LPP: variants seen among roughly 807,000 people sequenced by gnomAD.
The protein encoded by LPP is lipoma-preferred partner.
A neutral mutation model predicts 60.4 loss-of-function variants in LPP; 38 were observed. That is an observed-to-expected ratio of 0.63 (90% CI 0.49 to 0.83). The LOEUF (loss-of-function observed/expected upper bound fraction) is 0.83, where lower values mean the gene tolerates loss of function less well. Among genes scored for constraint, LPP ranks in the 40% least tolerant of loss-of-function variants. The probability of loss-of-function intolerance (pLI) is 0.00; values close to 1 mark genes in which losing one functional copy is unlikely to be tolerated. For missense variants in LPP, 902 were observed against 783.6 expected (o/e 1.15, Z -1.80); for synonymous variants, 328 against 290.8 (o/e 1.13, Z -1.30).
intron 2 of LPP, among the ~76,000 whole-genome samples, chr3:188,243,188 AT>A (rs551212008): frequency 2.0e-5 from 3 of 152,154 alleles, no homozygotes; most frequent in Non-Finnish European, 4.4e-5. Context: ...AAAAACTCCT[AT>A]TTTTACAACA....
intron 9 of LPP, among the ~76,000 whole-genome samples, chr3:188,818,736 G>A (rs983006916): frequency 6.6e-6 from 1 of 152,038 alleles, no homozygotes; most frequent in African/African-American, 2.4e-5. Flanking sequence ...ACCTCTCCGA[G>A]GCTCAGTTTC....
intron 2 of LPP, among the ~76,000 whole-genome samples, chr3:188,226,758 T>C (rs528280886): frequency 6.6e-6 from 1 of 152,318 alleles, no homozygotes; most frequent in East Asian, 1.9e-4. Context: ...ACAGAGATGA[T>C]GCCATTGTGA....
At chr3:188,450,712 T>C (rs1796379214) in intron 4 of LPP, among the ~76,000 whole-genome samples, 1 of 150,262 alleles carries the variant, frequency 6.7e-6, no homozygotes, top group Non-Finnish European at 1.5e-5. Flanking sequence ...GCCACTGCAC[T>C]CCAGCTTGGG....
At chr3:188,691,381 A>G (rs1196827575) in intron 7 of LPP, among the ~76,000 whole-genome samples, 1 of 152,200 alleles carries the variant, frequency 6.6e-6, no homozygotes, top group African/African-American at 2.4e-5. Flanking sequence ...TTAGCACTGA[A>G]TGAGGGCAAT....
rs187645028 is a variant in LPP at position 188,874,310 on chromosome 3, G to A, written c.1711-41G>A. ...GATGTTCTCCACATGTGTACTTAAC[G>A]TTTTTACTTATGTCGTTTCCATCTG... On this transcript the variant is annotated intron_variant, in intron 11 of 11. Coordinates refer to ENST00000617246, the MANE Select transcript of LPP (RefSeq NM_001375462.1). The A allele has an allele frequency of 1.0e-4, 159 of 1,587,248 alleles. 2 individuals carry two copies. The highest frequency in any genetic ancestry group is 9.0e-4 in the Admixed American group (52 of 57,934).
chr3:188,274,545 T>G (rs189260075), intron 2 of LPP, among the ~76,000 whole-genome samples: 3 of 152,218 alleles, frequency 2.0e-5, no homozygotes, highest in Non-Finnish European at 2.9e-5. Flanking sequence ...TCCACCCCAT[T>G]GGGAGGAGGG....
intron 6 of LPP, among the ~76,000 whole-genome samples, chr3:188,586,171 G>A (rs1837393615): frequency 6.6e-6 from 1 of 152,136 alleles, no homozygotes; most frequent in Non-Finnish European, 1.5e-5. Flanking sequence ...TTTTGTTGTT[G>A]AGATTGCCTG....
chr3:188,622,943 G>A (rs572441197), intron 7 of LPP, among the ~76,000 whole-genome samples: 19 of 150,602 alleles, frequency 1.3e-4, no homozygotes, highest in African/African-American at 3.9e-4. Flanking sequence ...CAGGGGAATC[G>A]CTCGAACCTG....
At chr3:188,463,660 T>G (rs896142819) in intron 4 of LPP, among the ~76,000 whole-genome samples, 2 of 152,202 alleles carry the variant, frequency 1.3e-5, no homozygotes, top group African/African-American at 4.8e-5. Flanking sequence ...TTTCTTAAAT[T>G]TTCTTCTCTG....
intron 7 of LPP, among the ~76,000 whole-genome samples, chr3:188,618,390 TCTC>T (rs2151514090): frequency 6.6e-6 from 1 of 152,222 alleles, no homozygotes; most frequent in African/African-American, 2.4e-5. Flanking sequence ...TACGAAACAC[TCTC>T]ATATAAGAAA....
intron 2 of LPP, among the ~76,000 whole-genome samples, chr3:188,243,329 A>G (rs1056865580): frequency 3.3e-5 from 5 of 152,270 alleles, no homozygotes; most frequent in South Asian, 2.1e-4. Flanking sequence ...CCCATGACTC[A>G]TAAAGGAAAT....
At chr3:188,707,530 A>G (rs1335965407) in intron 7 of LPP, among the ~76,000 whole-genome samples, 2 of 152,200 alleles carry the variant, frequency 1.3e-5, no homozygotes, top group Non-Finnish European at 2.9e-5. Context: ...CTGACTTATC[A>G]TCACTATTTG....
intron 2 of LPP, among the ~76,000 whole-genome samples, chr3:188,341,383 A>G (rs1019206865): frequency 1.3e-5 from 2 of 152,180 alleles, no homozygotes; most frequent in Non-Finnish European, 2.9e-5. Context: ...GGACAATAAT[A>G]TTCATTTTAT....
At position 188,482,996 on chromosome 3, in the gene LPP, A is replaced by G. The variant is rs184054775; in HGVS notation, c.194-1596A>G. The stretch of plus-strand genomic sequence containing the variant: ...GGACCCAAAAATCTGTATTTTAAAA[A>G]GACATTCCAGAGATATTGATGAACT... On this transcript the variant is annotated intron_variant, in intron 4 of 11. Coordinates refer to ENST00000617246, the MANE Select transcript of LPP (RefSeq NM_001375462.1). Among the ~76,000 whole-genome samples the G allele has an allele frequency of 1.3e-3, 191 of 152,320 alleles. 1 individual carries two copies. Among genetic ancestry groups the G allele is most frequent in the Middle Eastern group, 6.8e-3 (2 of 294 alleles).
rs532059857 is a variant in LPP at position 188,349,604 on chromosome 3, C to T, written c.-10+7885C>T. Reference sequence around the variant, plus strand: ...AGACATTACTGGCTGAGTATAAACTCGGTATAAACCTTTGCTGTAAGTAGC... The same window carrying T: ...AGACATTACTGGCTGAGTATAAACTTGGTATAAACCTTTGCTGTAAGTAGC... On this transcript the variant is annotated intron_variant, in intron 3 of 11. Coordinates refer to ENST00000617246, the MANE Select transcript of LPP (RefSeq NM_001375462.1). Among the ~76,000 whole-genome samples, 12 of 152,348 alleles carry T rather than the reference C, an allele frequency of 7.9e-5. No homozygotes were observed. The South Asian group carries it at 8.3e-4, about 11-fold the overall frequency.
At chr3:188,470,281 T>TACACACACACACACACAC in intron 4 of LPP, among the ~76,000 whole-genome samples, 1 of 126,866 alleles carries the variant, frequency 7.9e-6, no homozygotes, top group East Asian at 2.8e-4. Context: ...CTCTCTCTCA[T>TACACACACACACACACAC]ACACACACAC....
At chr3:188,856,359 A>G (rs1763830946) in intron 9 of LPP, among the ~76,000 whole-genome samples, 1 of 152,198 alleles carries the variant, frequency 6.6e-6, no homozygotes. Context: ...TTCAATATTC[A>G]AGGGAGTATG....
intron 7 of LPP, among the ~76,000 whole-genome samples, chr3:188,677,132 C>A (rs1429341623): frequency 6.6e-6 from 1 of 152,144 alleles, no homozygotes; most frequent in East Asian, 1.9e-4. Context: ...CCCAGCCTAA[C>A]TTTGCTTGTA....
At chr3:188,453,538 G>A (rs750374838) in intron 4 of LPP, among the ~76,000 whole-genome samples, 5 of 151,930 alleles carry the variant, frequency 3.3e-5, no homozygotes, top group Non-Finnish European at 7.4e-5. Context: ...TCACCTCAGC[G>A]CCAGTTGCTT....
Sources: gnomAD v4.1 joint callset for allele counts (sites outside exome capture counted in the v4.1 genomes callset) on GRCh38, gnomAD v4.1.1 for gene constraint, MANE v1.5 for transcripts, NCBI Gene and HGNC (gene_info 2026-07-23, HGNC 2026-07-21) for gene names.